INPP5D: variants seen among roughly 807,000 people sequenced by gnomAD.
The protein encoded by INPP5D is phosphatidylinositol 3,4,5-trisphosphate 5-phosphatase 1.
Under a neutral mutation model 122.9 loss-of-function variants are expected in INPP5D, and 33 were observed. That is an observed-to-expected ratio of 0.27 (90% confidence interval 0.20 to 0.36). The LOEUF (loss-of-function observed/expected upper bound fraction) is 0.36, where lower values mean the gene tolerates loss of function less well. Ranked by LOEUF, INPP5D falls within the 10% of genes least tolerant of loss-of-function variation. The probability of loss-of-function intolerance (pLI) is 1.00; values close to 1 mark genes in which losing one functional copy is unlikely to be tolerated. For synonymous variants in INPP5D, 584 were observed against 576.2 expected (o/e 1.01, Z -0.19); for missense variants, 1,053 against 1,412.7 (o/e 0.75, Z 4.08).
intron 17 of INPP5D, among the ~76,000 whole-genome samples, chr2:233,171,669 T>C (rs1472077462): frequency 6.6e-6 from 1 of 152,226 alleles, no homozygotes; most frequent in Non-Finnish European, 1.5e-5. Flanking sequence ...CAATAAAATA[T>C]GTATTCATTT....
chr2:233,063,724 C>T (rs987310504), intron 1 of INPP5D, among the ~76,000 whole-genome samples: 2 of 152,258 alleles, frequency 1.3e-5, no homozygotes, highest in African/African-American at 4.8e-5. Flanking sequence ...GGGGCACAGA[C>T]AGTTGCAGTG....
intron 21 of INPP5D, among the ~76,000 whole-genome samples, chr2:233,186,617 CAT>C (rs1289036472): frequency 7.1e-6 from 1 of 141,292 alleles, no homozygotes; most frequent in Non-Finnish European, 1.5e-5. Flanking sequence ...GCCTGGGAAA[CAT>C]AGTGACATCC....
rs574035353 is a variant in INPP5D, at chr2:233,097,133, A to G, written c.198+17735A>G. ...TTTCCCATTGATTCACAATGCCATT[A>G]TATCATGTGCTAATTTCCCCCATAG... On this transcript the variant is annotated intron_variant, in intron 2 of 26. Transcript: ENST00000445964. 9.2e-5 allele frequency among the ~76,000 whole-genome samples: 14 copies of G among 152,324 alleles called. No individual in the cohort carries two copies. In the East Asian group the frequency reaches 2.7e-3, roughly 29 times the overall value.
intron 1 of INPP5D, among the ~76,000 whole-genome samples, 165 bp downstream of exon 1, chr2:233,060,777 T>C (rs749582456): frequency 1.3e-5 from 2 of 152,210 alleles, no homozygotes; most frequent in South Asian, 2.1e-4. Context: ...AGAGAGCTGG[T>C]CTCATGGCAG....
At chr2:233,068,285 C>CT in intron 1 of INPP5D, among the ~76,000 whole-genome samples, 1 of 127,170 alleles carries the variant, frequency 7.9e-6, no homozygotes, top group East Asian at 2.3e-4. Context: ...AACTCTGTCT[C>CT]AAAAAAAAAA....
intron 25 of INPP5D, among the ~76,000 whole-genome samples, chr2:233,200,367 G>A (rs971489653): frequency 7.2e-5 from 11 of 152,254 alleles, no homozygotes; most frequent in African/African-American, 2.7e-4. Flanking sequence ...AACGATTTAA[G>A]ATGGGCAAGA....
Position 233,171,044 on chromosome 2 carries a change from C to T in INPP5D, c.1901-20C>T, listed in dbSNP as rs186071881. 8.7e-5 allele frequency: 141 copies of T among 1,612,406 alleles called. No individual in the cohort carries two copies. The East Asian group carries it at 2.5e-3, about 29-fold the overall frequency. On this transcript the variant is annotated intron_variant, in intron 16 of 26. Transcript: ENST00000445964. ...AAAACCTGGGGAATCAGAATTAAAA[C>T]GAAAGTCTCTCTGTTTCAGAGGAGG...
chr2:233,072,419 T>C (rs1001220173), intron 1 of INPP5D, among the ~76,000 whole-genome samples: 1 of 152,354 alleles, frequency 6.6e-6, no homozygotes, highest in South Asian at 2.1e-4. Context: ...CTCTGAAACT[T>C]ATTTAGGGTT....
intron 4 of INPP5D, among the ~76,000 whole-genome samples, chr2:233,126,740 C>A (rs1252296772): frequency 6.6e-6 from 1 of 152,144 alleles, no homozygotes; most frequent in Non-Finnish European, 1.5e-5. Context: ...ACCAACATGG[C>A]AAAACCCCTT....
chr2:233,191,702 G>A (rs1473735405), intron 22 of INPP5D, among the ~76,000 whole-genome samples: 1 of 152,216 alleles, frequency 6.6e-6, no homozygotes, highest in Admixed American at 6.5e-5. Flanking sequence ...AGTGTCCGTG[G>A]AAGAGCTGGG....
At chr2:233,094,969 C>T (rs1045804463) in intron 2 of INPP5D, among the ~76,000 whole-genome samples, 3 of 152,180 alleles carry the variant, frequency 2.0e-5, no homozygotes, top group African/African-American at 7.2e-5. Flanking sequence ...TACGAGGACA[C>T]CCACTGCAGC....
At chr2:233,154,373 T>A (rs1693996002) in intron 9 of INPP5D, among the ~76,000 whole-genome samples, 1 of 152,184 alleles carries the variant, frequency 6.6e-6, no homozygotes, top group East Asian at 1.9e-4. Flanking sequence ...GGTCTCAAAC[T>A]CCTGAGCTCA....
intron 6 of INPP5D, among the ~76,000 whole-genome samples, chr2:233,143,569 C>T (rs1693673116): frequency 6.6e-6 from 1 of 152,210 alleles, no homozygotes; most frequent in Non-Finnish European, 1.5e-5. Context: ...TGTTCCCTTC[C>T]CTGAGTCTTA....
chr2:233,178,355 T>C (rs1171038821), intron 18 of INPP5D, among the ~76,000 whole-genome samples: 1 of 152,218 alleles, frequency 6.6e-6, no homozygotes, highest in Admixed American at 6.5e-5. Context: ...ATGCTTATTC[T>C]GAAAAGCTAC....
intron 9 of INPP5D, among the ~76,000 whole-genome samples, chr2:233,150,033 A>G (rs1293509445): frequency 6.6e-6 from 1 of 152,118 alleles, no homozygotes; most frequent in African/African-American, 2.4e-5. Context: ...GCCCCTGTGT[A>G]TAGTGGCAAG....
chr2:233,130,718 G>A (rs1015841742), intron 5 of INPP5D, 70 bp downstream of exon 5: 28 of 1,519,636 alleles, frequency 1.8e-5, no homozygotes, highest in Middle Eastern at 1.7e-4. Context: ...TCATGAGAGC[G>A]ACCTCTGCCT....
At chr2:233,083,565 T>C (rs1691749135) in intron 2 of INPP5D, among the ~76,000 whole-genome samples, 1 of 151,882 alleles carries the variant, frequency 6.6e-6, no homozygotes, top group Non-Finnish European at 1.5e-5. Flanking sequence ...AGAGAGTGGG[T>C]TTCTTGTAAA....
chr2:233,130,218 C>T (rs13388142), intron 4 of INPP5D, among the ~76,000 whole-genome samples: 50,559 of 152,022 alleles, frequency 0.33, 10,335 homozygotes, highest in Non-Finnish European at 0.45. Flanking sequence ...TAAAGTATAA[C>T]CATTTCCCAG....
chr2:233,203,130 G>A (rs1425659332), intron 25 of INPP5D, among the ~76,000 whole-genome samples: 4 of 152,230 alleles, frequency 2.6e-5, no homozygotes, highest in African/African-American at 4.8e-5. Flanking sequence ...TCTCACACAT[G>A]AGTTTGGTAG....
Sources: allele counts gnomAD v4.1 joint callset (sites outside exome capture counted in the v4.1 genomes callset), GRCh38; gene constraint gnomAD v4.1.1; transcripts MANE v1.5; gene names NCBI Gene and HGNC (gene_info 2026-07-23, HGNC 2026-07-21).